Variants in IFT25 observed in about 807,000 individuals in gnomAD.
IFT25 encodes the protein intraflagellar transport protein 25 homolog.
At chr1:53,924,266 A>C in the IFT25 span, among the ~76,000 whole-genome samples, 8 of 152,250 alleles carry the variant, frequency 5.3e-5, no homozygotes, top group African/African-American at 1.9e-4. Context: ...TTTAAAAAAA[A>C]TCCCCCTTTC....
chr1:53,911,681 A>G, the IFT25 span, among the ~76,000 whole-genome samples: 1 of 152,354 alleles, frequency 6.6e-6, no homozygotes, highest in Admixed American at 6.5e-5. Flanking sequence ...AGTAACTTGC[A>G]TAACTTCTCA....
the IFT25 span, chr1:53,923,898 A>C: frequency 1.3e-6 from 2 of 1,536,434 alleles, no homozygotes; most frequent in Admixed American, 3.3e-5. Context: ...AAGTATATTC[A>C]CTTACCACAA....
chr1:53,929,842 T>G, the IFT25 span: 2 of 852,704 alleles, frequency 2.3e-6, no homozygotes, highest in African/African-American at 1.8e-5. Context: ...CTCAAGGCAT[T>G]TACCTCATAA....
the IFT25 span, among the ~76,000 whole-genome samples, chr1:53,941,039 G>A: frequency 6.6e-6 from 1 of 151,984 alleles, no homozygotes; most frequent in Non-Finnish European, 1.5e-5. Flanking sequence ...TTGTTGCCCA[G>A]GCTGGAGTGC....
At chr1:53,939,390 C>CA in the IFT25 span, among the ~76,000 whole-genome samples, 2,762 of 62,802 alleles carry the variant, frequency 0.044, 27 homozygotes, top group Middle Eastern at 0.078. Flanking sequence ...GACTCTGTCT[C>CA]AAAAAAAAAA....
the IFT25 span, among the ~76,000 whole-genome samples, chr1:53,928,121 T>C: frequency 3.8e-3 from 573 of 152,366 alleles, 3 homozygotes; most frequent in African/African-American, 0.013. Context: ...CCTTGAATGA[T>C]AGATATCATC....
chr1:53,932,568 T>C, the IFT25 span, among the ~76,000 whole-genome samples: 3 of 152,220 alleles, frequency 2.0e-5, no homozygotes, highest in Non-Finnish European at 4.4e-5. Context: ...GAATGTTCAA[T>C]ATGCTGGGTT....
chr1:53,929,874 A>G, the IFT25 span: 3 of 1,152,224 alleles, frequency 2.6e-6, no homozygotes, highest in Non-Finnish European at 3.4e-6. Flanking sequence ...TCACCCCAGC[A>G]ATAAAACTGG....
the IFT25 span, among the ~76,000 whole-genome samples, chr1:53,912,903 A>C: frequency 6.6e-6 from 1 of 152,164 alleles, no homozygotes; most frequent in Non-Finnish European, 1.5e-5. Flanking sequence ...CATTACTAAC[A>C]AGTTCTCAGG....
chr1:53,918,902 G>T, the IFT25 span, among the ~76,000 whole-genome samples: 3 of 152,082 alleles, frequency 2.0e-5, no homozygotes, highest in African/African-American at 7.2e-5. Context: ...GCAATGGCGT[G>T]ATCTCGGCTC....
chr1:53,929,835 A>G, the IFT25 span: 2 of 766,746 alleles, frequency 2.6e-6, no homozygotes, highest in Non-Finnish European at 3.6e-6. Context: ...AACTGAGCTC[A>G]AGGCATTTAC....
chr1:53,915,109 A>G, the IFT25 span, among the ~76,000 whole-genome samples: 1 of 152,214 alleles, frequency 6.6e-6, no homozygotes, highest in Non-Finnish European at 1.5e-5. Context: ...CTACAGTATA[A>G]AGAGATATAG....
the IFT25 span, among the ~76,000 whole-genome samples, chr1:53,914,124 C>A: frequency 1.3e-5 from 2 of 152,214 alleles, no homozygotes; most frequent in African/African-American, 4.8e-5. Flanking sequence ...TCGAGGCTCT[C>A]TGGAGACATT....
chr1:53,933,262 G>A, the IFT25 span, among the ~76,000 whole-genome samples: 4 of 151,688 alleles, frequency 2.6e-5, no homozygotes, highest in African/African-American at 4.8e-5. Context: ...AGCCTCCCGA[G>A]TAACTGGGAC....
chr1:53,943,164 T>G, the IFT25 span, among the ~76,000 whole-genome samples: 1,360 of 152,256 alleles, frequency 8.9e-3, 23 homozygotes, highest in African/African-American at 0.03. Flanking sequence ...GGACTTTCGT[T>G]CAAAGTAAAG....
the IFT25 span, among the ~76,000 whole-genome samples, chr1:53,918,186 C>G: frequency 2.6e-5 from 4 of 152,238 alleles, no homozygotes; most frequent in African/African-American, 7.2e-5. Flanking sequence ...TTCCTTTACC[C>G]AAAATACTGA....
At chr1:53,920,160 A>G in the IFT25 span, among the ~76,000 whole-genome samples, 1 of 152,188 alleles carries the variant, frequency 6.6e-6, no homozygotes, top group Non-Finnish European at 1.5e-5. Flanking sequence ...TCTTCTGCAA[A>G]GCACTTTCTC....
the IFT25 span, chr1:53,923,800 T>G: frequency 1.3e-6 from 1 of 768,392 alleles, no homozygotes; most frequent in Non-Finnish European, 2.3e-6. Flanking sequence ...GGTACAAACC[T>G]ATAATATCAT....
the IFT25 span, among the ~76,000 whole-genome samples, chr1:53,940,741 ACT>A: frequency 1.3e-3 from 195 of 152,166 alleles, 2 homozygotes; most frequent in African/African-American, 4.6e-3. Context: ...ATAGGGTCTC[ACT>A]CTGACACCAA....
Sources: allele counts gnomAD v4.1 joint callset (sites outside exome capture counted in the v4.1 genomes callset), GRCh38; gene constraint gnomAD v4.1.1; transcripts MANE v1.5; gene names NCBI Gene and HGNC (gene_info 2026-07-23, HGNC 2026-07-21).